Variants in RHBDD1 observed in about 807,000 individuals in gnomAD.
RHBDD1 encodes rhomboid-related protein 4.
In RHBDD1, 38 loss-of-function variants were observed where a neutral mutation model predicts 36.3. The observed-to-expected ratio is 1.05, with a 90% CI of 0.81 to 1.37. RHBDD1 has a LOEUF of 1.37. Among genes scored for constraint, RHBDD1 ranks in the 40% most tolerant of loss-of-function variants. The pLI is 0.00. For synonymous variants in RHBDD1, 151 were observed against 136.5 expected (o/e 1.11, Z -0.74); for missense variants, 393 against 377.6 (o/e 1.04, Z -0.34).
intron 8 of RHBDD1, among the ~76,000 whole-genome samples, chr2:226,956,749 G>A (rs1395229198): frequency 6.6e-6 from 1 of 152,214 alleles, no homozygotes; most frequent in Non-Finnish European, 1.5e-5. Context: ...AGTGATAAAG[G>A]AAAGGACACT....
chr2:226,895,752 G>A (rs1407634437), intron 5 of RHBDD1: 6 of 985,280 alleles, frequency 6.1e-6, no homozygotes, highest in Non-Finnish European at 7.2e-6. Flanking sequence ...GCACTATTTA[G>A]AAACACTTGC....
chr2:226,998,352 C>G lies in RHBDD1; in HGVS notation c.*2830C>G, dbSNP rs899121866. The G allele has an allele frequency of 6.6e-6, 1 of 152,080 alleles. No homozygotes were observed. Among genetic ancestry groups the G allele is most frequent in the African/African-American group, 2.4e-5 (1 of 41,396 alleles). The allele number at this position is 152,080 out of a possible 1,614,324, so 9.4% of individuals were successfully genotyped here. On this transcript the variant is annotated 3_prime_UTR_variant, in exon 9 of 9. Coordinates refer to ENST00000392062, the MANE Select transcript of RHBDD1 (RefSeq NM_001167608.3). Reference sequence around the variant, plus strand: ...CATGTTCTGCTGCCTGGGGAGTAAGCAAGCTAAAGGGATGAGAAAGACCAC... The same window carrying G: ...CATGTTCTGCTGCCTGGGGAGTAAGGAAGCTAAAGGGATGAGAAAGACCAC...
the RHBDD1 span, among the ~76,000 whole-genome samples, chr2:226,827,118 A>G: frequency 1.3e-5 from 2 of 151,992 alleles, no homozygotes; most frequent in South Asian, 2.1e-4. Flanking sequence ...CCACCATGTC[A>G]GGCTACTTTT....
At chr2:226,829,351 T>C in the RHBDD1 span, among the ~76,000 whole-genome samples, 3 of 152,304 alleles carry the variant, frequency 2.0e-5, no homozygotes, top group South Asian at 4.1e-4. Flanking sequence ...TTGGCCATTC[T>C]AGTTCTTTTA....
intron 2 of RHBDD1, among the ~76,000 whole-genome samples, chr2:226,839,100 T>C (rs1005241178): frequency 3.9e-5 from 6 of 152,236 alleles, no homozygotes; most frequent in Admixed American, 1.3e-4. Flanking sequence ...CATTACATTT[T>C]TTAATAAGGG....
intron 3 of RHBDD1, among the ~76,000 whole-genome samples, chr2:226,844,263 T>G (rs530521722): frequency 5.9e-5 from 9 of 152,338 alleles, no homozygotes; most frequent in African/African-American, 2.2e-4. Flanking sequence ...AATGGCACCC[T>G]TGATTGATAG....
chr2:226,888,975 G>A (rs1034687593), intron 5 of RHBDD1, among the ~76,000 whole-genome samples: 8 of 152,190 alleles, frequency 5.3e-5, no homozygotes, highest in African/African-American at 1.9e-4. Context: ...GGGTGAAAAC[G>A]TGTCTGGGAA....
the RHBDD1 span, among the ~76,000 whole-genome samples, chr2:226,815,533 T>C: frequency 6.6e-6 from 1 of 152,226 alleles, no homozygotes; most frequent in East Asian, 1.9e-4. Context: ...CTAGGTAATA[T>C]AAAAGTATTT....
intron 8 of RHBDD1, among the ~76,000 whole-genome samples, chr2:226,990,493 C>A (rs537298063): frequency 6.6e-6 from 1 of 152,286 alleles, no homozygotes; most frequent in African/African-American, 2.4e-5. Context: ...TGGCATAGTG[C>A]GTTCATCAGA....
At chr2:226,838,239 G>C (rs1941208098) in intron 2 of RHBDD1, 85 bp downstream of exon 2, 1 of 152,202 alleles carries the variant, frequency 6.6e-6, no homozygotes, top group Non-Finnish European at 1.5e-5. Context: ...TGGATATTGA[G>C]AGAGTTTTCA....
chr2:226,810,808 C>T, the RHBDD1 span: 1 of 152,118 alleles, frequency 6.6e-6, no homozygotes, highest in East Asian at 1.9e-4. Context: ...TTAAACACAT[C>T]CCTGGGGGTT....
At chr2:226,937,921 A>T (rs574763606) in intron 8 of RHBDD1, among the ~76,000 whole-genome samples, 1 of 152,156 alleles carries the variant, frequency 6.6e-6, no homozygotes, top group Admixed American at 6.5e-5. Context: ...ATGTGTTTTT[A>T]TAATAGGACA....
chr2:226,917,575 C>T (rs181570676), intron 8 of RHBDD1, among the ~76,000 whole-genome samples: 3 of 152,188 alleles, frequency 2.0e-5, no homozygotes, highest in East Asian at 1.9e-4. Context: ...TATGGAGTTA[C>T]GTTCTAAAAC....
chr2:226,942,270 G>A (rs143124524), intron 8 of RHBDD1, among the ~76,000 whole-genome samples: 14 of 146,774 alleles, frequency 9.5e-5, no homozygotes, highest in African/African-American at 2.0e-4. Context: ...ACAGAGTCTC[G>A]TTCTGTCACC....
intron 3 of RHBDD1, among the ~76,000 whole-genome samples, chr2:226,842,048 T>C (rs1300920494): frequency 6.6e-6 from 1 of 152,198 alleles, no homozygotes; most frequent in Non-Finnish European, 1.5e-5. Flanking sequence ...TAATGATCAG[T>C]GATGTTGAGC....
intron 8 of RHBDD1, among the ~76,000 whole-genome samples, chr2:226,994,353 C>G (rs1958929491): frequency 6.6e-6 from 1 of 152,198 alleles, no homozygotes; most frequent in African/African-American, 2.4e-5. Context: ...GCCTACACAT[C>G]TGGCAGGATG....
At chr2:226,831,206 T>C (rs1940733016), upstream of RHBDD1, among the ~76,000 whole-genome samples, 1 of 152,200 alleles carries the variant, frequency 6.6e-6, no homozygotes, top group African/African-American at 2.4e-5. Flanking sequence ...TCCTTAAATA[T>C]TTGATGGATT....
chr2:226,926,082 A>C (rs990347440), intron 8 of RHBDD1, among the ~76,000 whole-genome samples: 1 of 152,100 alleles, frequency 6.6e-6, no homozygotes. Flanking sequence ...GTATCTTTTG[A>C]AAAATAAGGG....
At chr2:226,955,439 G>A (rs1331106240) in intron 8 of RHBDD1, among the ~76,000 whole-genome samples, 1 of 152,198 alleles carries the variant, frequency 6.6e-6, no homozygotes, top group Non-Finnish European at 1.5e-5. Context: ...GTTACTCTTT[G>A]TTGTACAATA....
Sources: gnomAD v4.1 joint callset for allele counts (sites outside exome capture counted in the v4.1 genomes callset) on GRCh38, gnomAD v4.1.1 for gene constraint, MANE v1.5 for transcripts, NCBI Gene and HGNC (gene_info 2026-07-23, HGNC 2026-07-21) for gene names.